Variants in RPA3 observed in about 807,000 individuals in gnomAD.
The protein encoded by RPA3 is replication protein A 14 kDa subunit.
In RPA3, 24 loss-of-function variants were observed where a neutral mutation model predicts 13.7. That is an observed-to-expected ratio of 1.75 (90% CI 1.27 to 2.46). RPA3 has a LOEUF of 2.46. Ranked by LOEUF, RPA3 falls within the 30% of genes most tolerant of loss-of-function variation. The probability of loss-of-function intolerance (pLI) is 0.00; values close to 1 mark genes in which losing one functional copy is unlikely to be tolerated. For missense variants in RPA3, 183 were observed against 151.0 expected, an observed-to-expected ratio of 1.21 and a Z score of -1.11; for synonymous variants, 59 against 51.2, an observed-to-expected ratio of 1.15 and a Z score of -0.65.
At chr7:7,646,726 T>C (rs138122481) in intron 4 of RPA3, among the ~76,000 whole-genome samples, 2 of 152,146 alleles carry the variant, frequency 1.3e-5, no homozygotes, top group Non-Finnish European at 2.9e-5. Flanking sequence ...GGAGTTCGGC[T>C]GTCCCATGGC....
chr7:7,703,814 C>T (rs1426590686), intron 2 of RPA3, among the ~76,000 whole-genome samples: 1 of 151,982 alleles, frequency 6.6e-6, no homozygotes, highest in Non-Finnish European at 1.5e-5. Context: ...TGGTGGCGTG[C>T]CCCTGTAGTC....
intron 2 of RPA3, among the ~76,000 whole-genome samples, chr7:7,701,004 C>T (rs1293556682): frequency 6.6e-6 from 1 of 152,166 alleles, no homozygotes; most frequent in African/African-American, 2.4e-5. Flanking sequence ...GAGCTATGAT[C>T]ACGGTACTAC....
At chr7:7,646,538 C>G (rs1463957293) in intron 4 of RPA3, among the ~76,000 whole-genome samples, 1 of 137,566 alleles carries the variant, frequency 7.3e-6, no homozygotes, top group African/African-American at 2.7e-5. Flanking sequence ...TAAGACGTAC[C>G]TTTTGCTTTC....
At chr7:7,659,413 A>G (rs1169100617) in intron 4 of RPA3, among the ~76,000 whole-genome samples, 1 of 152,000 alleles carries the variant, frequency 6.6e-6, no homozygotes, top group Non-Finnish European at 1.5e-5. Flanking sequence ...TCGATTTTAG[A>G]TCTTTCCCAC....
chr7:7,672,787 C>T (rs1779639641), intron 4 of RPA3, among the ~76,000 whole-genome samples: 2 of 152,168 alleles, frequency 1.3e-5, no homozygotes, highest in Admixed American at 6.5e-5. Flanking sequence ...GATATTTCTT[C>T]ATAGCAGTGT....
intron 2 of RPA3, among the ~76,000 whole-genome samples, chr7:7,698,051 C>T (rs1780360569): frequency 6.6e-6 from 1 of 152,158 alleles, no homozygotes. Context: ...TAGAGAATTT[C>T]TGCACTTCAC....
chr7:7,717,750 TAG>T (rs927182625), intron 1 of RPA3, among the ~76,000 whole-genome samples: 8 of 152,244 alleles, frequency 5.3e-5, no homozygotes, highest in African/African-American at 1.7e-4. Flanking sequence ...TGTCATTGTA[TAG>T]TTCAGGAACT....
At chr7:7,654,101 C>T (rs1785287524) in intron 4 of RPA3, among the ~76,000 whole-genome samples, 1 of 152,168 alleles carries the variant, frequency 6.6e-6, no homozygotes, top group African/African-American at 2.4e-5. Flanking sequence ...CTAGGCTACC[C>T]TTCTTGATTC....
chr7:7,638,236 G>A (rs28916308), intron 6 of RPA3: 4 of 319,008 alleles, frequency 1.3e-5, no homozygotes, highest in African/African-American at 4.2e-5. Flanking sequence ...TATTGAAAAC[G>A]TCCAGCATTT....
intron 2 of RPA3, among the ~76,000 whole-genome samples, chr7:7,702,479 T>C (rs1303695368): frequency 6.6e-6 from 1 of 152,170 alleles, no homozygotes; most frequent in Non-Finnish European, 1.5e-5. Flanking sequence ...TCAAGTACAC[T>C]CCAATAGCTT....
chr7:7,702,090 G>A (rs1780477011), intron 2 of RPA3, among the ~76,000 whole-genome samples: 1 of 152,184 alleles, frequency 6.6e-6, no homozygotes, highest in South Asian at 2.1e-4. Flanking sequence ...TGTAAGGGAT[G>A]TCAAGGTAGG....
rs182395806 is a variant in RPA3 at position 7,636,789 on chromosome 7, T to G, written c.*211A>C. ...ACAACTGCTTTATTCTTGCATCTAA[T>G]CTGACCATATATTGGAGTAGCAATT... is the stretch of plus-strand genomic sequence containing the variant. On this transcript the variant is annotated 3_prime_UTR_variant, in exon 8 of 8. Transcript: ENST00000223129. The G allele has an allele frequency of 2.0e-6, 1 of 500,796 alleles. No homozygotes were observed. The highest frequency in any genetic ancestry group is 3.5e-5 in the East Asian group (1 of 28,192). The allele number at this position is 500,796 out of a possible 1,614,324, so 31.0% of individuals were successfully genotyped here.
In RPA3 at chr7:7,697,590, GC is replaced by G. The variant is rs149963270; in HGVS notation, c.-1027-10263del. On this transcript the variant is annotated intron_variant, in intron 2 of 7. Transcript: ENST00000223129. Reference sequence around the variant, plus strand: ...GAAGCACGAATATGTACCTGCTAAAGCCCTTGGGGTGGGCACCTAACTTTAA... The same window carrying G: ...GAAGCACGAATATGTACCTGCTAAAGCCTTGGGGTGGGCACCTAACTTTAA... 7.7e-3 allele frequency among the ~76,000 whole-genome samples: 1,173 copies of G among 152,268 alleles called. 21 individuals are homozygous for G. The highest frequency in any genetic ancestry group is 0.027 in the African/African-American group (1,128 of 41,550).
rs2115129589 is a variant in RPA3, at chr7:7,685,892, T to C, written c.-820A>G. 6.6e-6 allele frequency: 1 copy of C among 152,352 alleles called. No homozygotes were observed. The highest frequency in any genetic ancestry group is 1.9e-4 in the East Asian group (1 of 5,192). 9.4% of individuals were successfully genotyped at this position (152,352 alleles called of 1,614,324 possible). A position where few individuals can be genotyped will look rare whatever the true frequency, so the allele number is the denominator to read the frequency against. On this transcript the variant is annotated 5_prime_UTR_variant, in exon 4 of 8. Coordinates refer to ENST00000223129, the MANE Select transcript of RPA3 (RefSeq NM_002947.5). ...ATGTGGTAAATTAGTGTCGTATCTT[T>C]TTTTGATTGTAGTAATCAGTAAGTG...
chr7:7,705,457 C>T (rs1470409413), intron 2 of RPA3, among the ~76,000 whole-genome samples: 1 of 152,208 alleles, frequency 6.6e-6, no homozygotes, highest in Non-Finnish European at 1.5e-5. Context: ...GTTTGGGTCA[C>T]TGCTCTGTAC....
At position 7,681,044 on chromosome 7, in the gene RPA3, T is replaced by G. The variant is rs184461514; in HGVS notation, c.-758+4786A>C. Among the ~76,000 whole-genome samples, 438 of 152,232 alleles carry G rather than the reference T, an allele frequency of 2.9e-3. 3 individuals carry two copies. The highest frequency in any genetic ancestry group is 4.9e-3 in the Non-Finnish European group (336 of 67,994). On this transcript the variant is annotated intron_variant, in intron 4 of 7. Transcript: ENST00000223129. The stretch of plus-strand genomic sequence containing the variant: ...AGAAAAATAAATATATTTTGTTGGT[T>G]TGTGTGTTTGTTGATGTCTAAATGA...
In RPA3 at chr7:7,682,738, G is replaced by A. The variant is rs565545761; in HGVS notation, c.-758+3092C>T. Among the ~76,000 whole-genome samples the A allele has an allele frequency of 5.9e-5, 9 of 152,264 alleles. 1 individual carries two copies. The highest frequency in any genetic ancestry group is 1.9e-4 in the East Asian group (1 of 5,192). On this transcript the variant is annotated intron_variant, in intron 4 of 7. Transcript: ENST00000223129. ...ACCCTATCGCTGTCTCCTTACCCACGTATCGGGATATCCAGAAAAACTCGA... is the reference window on the plus strand; with the variant it reads ...ACCCTATCGCTGTCTCCTTACCCACATATCGGGATATCCAGAAAAACTCGA...
chr7:7,693,313 A>ATCTATCTATCTC (rs1402392363), intron 2 of RPA3, among the ~76,000 whole-genome samples: 1 of 151,826 alleles, frequency 6.6e-6, no homozygotes. Context: ...CTATCTATCT[A>ATCTATCTATCTC]TCTATCTATC....
chr7:7,672,773 C>G (rs990881076), intron 4 of RPA3, among the ~76,000 whole-genome samples: 1 of 152,120 alleles, frequency 6.6e-6, no homozygotes, highest in African/African-American at 2.4e-5. Flanking sequence ...ATCACTCAGT[C>G]GAGGATATTT....
Sources: allele counts gnomAD v4.1 joint callset (sites outside exome capture counted in the v4.1 genomes callset), GRCh38; gene constraint gnomAD v4.1.1; transcripts MANE v1.5; gene names NCBI Gene and HGNC (gene_info 2026-07-23, HGNC 2026-07-21).